Variants in GABRR2 observed in about 807,000 individuals in gnomAD.
GABRR2 encodes the protein gamma-aminobutyric acid receptor subunit rho-2.
In GABRR2, 36 loss-of-function variants were observed where a neutral mutation model predicts 47.0. The observed-to-expected ratio is 0.77, with a 90% CI of 0.59 to 1.01. The LOEUF is 1.01. GABRR2 is among the 50% of genes least tolerant of loss of function. The pLI is 0.00. For missense variants in GABRR2, 587 were observed against 594.6 expected, an observed-to-expected ratio of 0.99 and a Z score of 0.13; for synonymous variants, 204 against 227.5, an observed-to-expected ratio of 0.90 and a Z score of 0.93.
intron 8 of GABRR2, among the ~76,000 whole-genome samples, chr6:89,261,682 G>A (rs1773749329): frequency 6.6e-6 from 1 of 152,166 alleles, no homozygotes; most frequent in Admixed American, 6.5e-5. Flanking sequence ...TGTGCTAACT[G>A]CCACAAGGTT....
chr6:89,295,762 T>C (rs1299553906), intron 2 of GABRR2, among the ~76,000 whole-genome samples: 3 of 151,932 alleles, frequency 2.0e-5, no homozygotes, highest in African/African-American at 4.8e-5. Flanking sequence ...TGGTTTTAGG[T>C]CTAACATTTA....
At chr6:89,293,074 T>C (rs1478054228) in intron 2 of GABRR2, among the ~76,000 whole-genome samples, 2 of 152,012 alleles carry the variant, frequency 1.3e-5, no homozygotes, top group African/African-American at 2.4e-5. Context: ...AACAGATGAA[T>C]GGATACACAA....
In GABRR2 at chr6:89,269,149, A is replaced by C; in HGVS notation, c.374T>G (p.Phe125Cys). The C allele has an allele frequency of 6.2e-7, 1 of 1,614,072 alleles. No individual in the cohort carries two copies. The highest frequency in any genetic ancestry group is 8.5e-7 in the Non-Finnish European group (1 of 1,179,900). Residue 125 changes from phenylalanine (F) to cysteine (C), a missense_variant, in exon 4 of 9, where the codon TTC becomes TGC. Physicochemically the swap from Phe to Cys is radical, Grantham distance 205 (BLOSUM62 -2). Transcript: ENST00000402938. ...GATCTTCTTCACCAGCCGGCCATCG[A>C]AGGTCATGCTCTTGTTGCTGGCGCT... ...FSSASNKSMT[F>C]DGRLVKKIWV...
intron 2 of GABRR2, among the ~76,000 whole-genome samples, chr6:89,287,397 G>A (rs1019839654): frequency 2.6e-5 from 4 of 152,226 alleles, no homozygotes; most frequent in African/African-American, 9.6e-5. Context: ...AGAAACCTAA[G>A]AAGCAGTACA....
At chr6:89,268,202 A>G (rs1189248397) in intron 4 of GABRR2, 106 bp from the exon 5 acceptor site, 2 of 776,272 alleles carry the variant, frequency 2.6e-6, no homozygotes, top group East Asian at 2.7e-5. Flanking sequence ...GCCTCCTCAC[A>G]TCTGCTGCAG....
chr6:89,262,244 G>C (rs1014521376), intron 8 of GABRR2, among the ~76,000 whole-genome samples: 1 of 152,136 alleles, frequency 6.6e-6, no homozygotes, highest in East Asian at 1.9e-4. Context: ...TTTGCATATA[G>C]GGTCCAATTG....
chr6:89,273,398 A>G (rs749665330), intron 2 of GABRR2, among the ~76,000 whole-genome samples: 4 of 152,062 alleles, frequency 2.6e-5, no homozygotes, highest in Admixed American at 6.5e-5. Flanking sequence ...ACACCTGGCT[A>G]ATTTTTTGTA....
At chr6:89,288,448 G>A (rs565549933) in intron 2 of GABRR2, among the ~76,000 whole-genome samples, 6 of 152,106 alleles carry the variant, frequency 3.9e-5, no homozygotes, top group African/African-American at 1.2e-4. Flanking sequence ...AAACACCTTC[G>A]AGTGTTTTCA....
At position 89,255,744 on chromosome 6, in the gene GABRR2, G is replaced by A. The variant is rs1231317474; in HGVS notation, c.*1926C>T. ...TGGCAAACCTTCCCATTCTCCCCAT[G>A]CGTCCGCTCAAGCTGGTCTCTTGGC... On this transcript the variant is annotated 3_prime_UTR_variant, in exon 9 of 9. Transcript: ENST00000402938. 1.3e-5 allele frequency among the ~76,000 whole-genome samples: 2 copies of A among 152,080 alleles called. No homozygotes were observed. The highest frequency in any genetic ancestry group is 2.9e-5 in the Non-Finnish European group (2 of 68,020).
intron 2 of GABRR2, among the ~76,000 whole-genome samples, chr6:89,285,213 G>A (rs545925305): frequency 1.3e-5 from 2 of 152,348 alleles, no homozygotes; most frequent in South Asian, 4.1e-4. Context: ...GCCAAGGAGT[G>A]GCCAGACTGG....
At chr6:89,292,334 CA>C (rs1180638965) in intron 2 of GABRR2, among the ~76,000 whole-genome samples, 10 of 89,516 alleles carry the variant, frequency 1.1e-4, no homozygotes, top group Non-Finnish European at 4.4e-5. Context: ...GGTGGTTTCT[CA>C]AAAAAAAATT....
intron 4 of GABRR2, 149 bp from the exon 5 acceptor site, chr6:89,268,245 C>T (rs1028532408): frequency 1.9e-5 from 13 of 679,990 alleles, no homozygotes; most frequent in Non-Finnish European, 3.5e-5. Flanking sequence ...GTTATAGAAC[C>T]TTAACTTCTA....
At chr6:89,267,635 G>A in intron 6 of GABRR2, 44 bp downstream of exon 6, 1 of 1,564,490 alleles carries the variant, frequency 6.4e-7, no homozygotes, top group Non-Finnish European at 8.7e-7. Context: ...ATTCAAATGT[G>A]CTTTCTTGCA....
rs150834111 is a variant in GABRR2, at chr6:89,271,797, T to C, written c.221-75A>G. On this transcript the variant is annotated intron_variant, in intron 2 of 8. Transcript: ENST00000402938. Reference sequence around the variant, plus strand: ...GGGCTGGGAACAGCCCCAGTTGGCTTCCCCCGGGGAGCCAGGACTGGAGCA... The same window carrying C: ...GGGCTGGGAACAGCCCCAGTTGGCTCCCCCCGGGGAGCCAGGACTGGAGCA... 9.1e-5 allele frequency: 117 copies of C among 1,281,166 alleles called. No individual in the cohort carries two copies. In the African/African-American group the frequency reaches 1.5e-3, roughly 16 times the overall value. The allele number at this position is 1,281,166 out of a possible 1,614,324, so 79.4% of individuals were successfully genotyped here. A position where few individuals can be genotyped will look rare whatever the true frequency, so the allele number is the denominator to read the frequency against.
At chr6:89,264,776 A>G (rs1204515019) in intron 7 of GABRR2, among the ~76,000 whole-genome samples, 168 bp from the exon 8 acceptor site, 1 of 152,126 alleles carries the variant, frequency 6.6e-6, no homozygotes, top group Non-Finnish European at 1.5e-5. Flanking sequence ...AGCCAGGCCT[A>G]TTCTCCTCAG....
intron 7 of GABRR2, among the ~76,000 whole-genome samples, chr6:89,264,917 A>C (rs919478554): frequency 2.0e-5 from 3 of 152,062 alleles, no homozygotes; most frequent in Non-Finnish European, 2.9e-5. Flanking sequence ...CCTCTGAAGG[A>C]ACGTTCTCAA....
At chr6:89,279,633 A>G (rs1377499529) in intron 2 of GABRR2, among the ~76,000 whole-genome samples, 2 of 151,738 alleles carry the variant, frequency 1.3e-5, no homozygotes, top group African/African-American at 4.8e-5. Flanking sequence ...CAGGCTCCCA[A>G]AACACTGGGA....
intron 6 of GABRR2, 65 bp downstream of exon 6, chr6:89,267,614 G>C (rs1005016228): frequency 2.0e-6 from 3 of 1,470,156 alleles, no homozygotes; most frequent in Non-Finnish European, 2.8e-6. Flanking sequence ...TGGGGTTAAG[G>C]CTGAAGAAGA....
chr6:89,264,088 T>A (rs566344165), intron 8 of GABRR2, among the ~76,000 whole-genome samples: 10 of 152,320 alleles, frequency 6.6e-5, no homozygotes, highest in African/African-American at 2.4e-4. Context: ...AACTTTCACA[T>A]ACATTATCTC....
Sources: allele counts gnomAD v4.1 joint callset (sites outside exome capture counted in the v4.1 genomes callset), GRCh38; gene constraint gnomAD v4.1.1; transcripts MANE v1.5; gene names NCBI Gene and HGNC (gene_info 2026-07-23, HGNC 2026-07-21).